The following CAGE1 variants were observed in gnomAD, a reference collection of about 807,000 sequenced individuals.
The protein encoded by CAGE1 is cancer-associated gene 1 protein.
CAGE1 carries 66 observed loss-of-function variants against 94.9 expected under a neutral mutation model. That is an observed-to-expected ratio of 0.70 (90% CI 0.57 to 0.85). CAGE1 has a LOEUF of 0.85. Among genes scored for constraint, CAGE1 ranks in the 40% least tolerant of loss-of-function variants. CAGE1 has a pLI of 0.00. For synonymous variants in CAGE1, 319 were observed against 321.0 expected, an observed-to-expected ratio of 0.99 and a Z score of 0.07; for missense variants, 865 against 950.4, an observed-to-expected ratio of 0.91 and a Z score of 1.18.
intron 13 of CAGE1, chr6:7,329,184 C>G (rs62387870): frequency 5.0e-6 from 2 of 398,842 alleles, no homozygotes; most frequent in South Asian, 9.3e-5. Context: ...CCACCCGCCT[C>G]GGCCTCCCAA....
intron 9 of CAGE1, among the ~76,000 whole-genome samples, chr6:7,364,715 G>A (rs1445906572): frequency 3.3e-5 from 5 of 151,816 alleles, no homozygotes; most frequent in Non-Finnish European, 7.4e-5. Context: ...TGATCCACCC[G>A]CCTCAGCCTC....
intron 11 of CAGE1, among the ~76,000 whole-genome samples, chr6:7,345,424 G>C (rs1330705160): frequency 3.9e-5 from 6 of 152,186 alleles, no homozygotes; most frequent in African/African-American, 1.4e-4. Context: ...CCTCACTGCA[G>C]GGGTCTGTGG....
chr6:7,341,329 T>C, intron 11 of CAGE1: 1 of 691,624 alleles, frequency 1.4e-6, no homozygotes, highest in South Asian at 1.5e-5. Context: ...AAATCCTTAC[T>C]GGTGTCCCAG....
At chr6:7,354,949 CT>C (rs1759899336) in intron 11 of CAGE1, 91 bp downstream of exon 11, 5 of 896,710 alleles carry the variant, frequency 5.6e-6, no homozygotes, top group Non-Finnish European at 8.7e-6. Context: ...CATTTTTCTT[CT>C]TTCTAGGAGT....
intron 3 of CAGE1, among the ~76,000 whole-genome samples, chr6:7,381,566 T>A (rs1207462923): frequency 6.6e-6 from 1 of 151,270 alleles, no homozygotes; most frequent in Non-Finnish European, 1.5e-5. Flanking sequence ...AGAGTCTCTG[T>A]CACCCAGGCA....
chr6:7,327,037 A>G (rs1055461440), intron 13 of CAGE1, 138 bp from the exon 14 acceptor site: 1 of 675,872 alleles, frequency 1.5e-6, no homozygotes, highest in Non-Finnish European at 2.7e-6. Context: ...AATTCCACAG[A>G]TAATACCAAC....
chr6:7,347,511 G>GGA (rs1652066140), intron 11 of CAGE1: 1 of 130,178 alleles, frequency 7.7e-6, no homozygotes, highest in Non-Finnish European at 1.7e-5. Flanking sequence ...GGTGGGGGGG[G>GGA]GGGTTGGGGG....
intron 11 of CAGE1, among the ~76,000 whole-genome samples, chr6:7,345,152 C>T (rs1045195125): frequency 4.9e-4 from 39 of 79,860 alleles, no homozygotes; most frequent in Non-Finnish European, 8.4e-4. Context: ...GAGCTAGGTC[C>T]ATATTGCTTT....
chr6:7,334,354 C>T (rs567169564), intron 11 of CAGE1, among the ~76,000 whole-genome samples: 2 of 152,258 alleles, frequency 1.3e-5, no homozygotes, highest in East Asian at 3.9e-4. Flanking sequence ...GATATTCTCC[C>T]ATTTGCTTAC....
rs930240889 is a variant in CAGE1, at chr6:7,389,322, T to G, written c.-144A>C. 12 of 456,174 alleles carry G rather than the reference T, an allele frequency of 2.6e-5. No homozygotes were observed. The East Asian group carries it at 4.9e-4, about 18-fold the overall frequency. The allele number at this position is 456,174 out of a possible 1,614,324, so 28.3% of individuals were successfully genotyped here. A position where few individuals can be genotyped will look rare whatever the true frequency, so the allele number is the denominator to read the frequency against. Reference sequence around the variant, plus strand: ...GTTTCTTGGACCCACGCTACGGACCTGGCTCTCCCTCCCTCTGCACCGGGT... The same window carrying G: ...GTTTCTTGGACCCACGCTACGGACCGGGCTCTCCCTCCCTCTGCACCGGGT... On this transcript the variant is annotated 5_prime_UTR_variant, in exon 1 of 14. Transcript: ENST00000502583.
intron 11 of CAGE1, among the ~76,000 whole-genome samples, chr6:7,344,643 C>T (rs1039588276): frequency 3.3e-5 from 5 of 152,328 alleles, no homozygotes; most frequent in African/African-American, 4.8e-5. Context: ...CCTGCAGCCC[C>T]GGTGCCGGAT....
chr6:7,369,998 G>A lies in CAGE1; in HGVS notation c.1814C>T (p.Ala605Val). 6.2e-7 allele frequency: 1 copy of A among 1,613,644 alleles called. No homozygotes were observed. Among genetic ancestry groups the A allele is most frequent in the Non-Finnish European group, 8.5e-7 (1 of 1,179,714 alleles). Residue 605 changes from alanine to valine, a missense_variant, in exon 6 of 14, where the codon GCA (alanine) becomes GTA (valine). Physicochemically the swap from Ala to Val is moderately conservative, Grantham distance 64. Transcript: ENST00000502583. The part of the protein sequence containing the change: ...CSPCEERLNP[A>V]DIKRASQLAS... ...CAGCTGAGAAGCTCTTTTTATATCT[G>A]CAGGATTCAGCCTCTCTTCACAAGG...
chr6:7,344,921 G>A (rs907155170), intron 11 of CAGE1, among the ~76,000 whole-genome samples: 1 of 152,174 alleles, frequency 6.6e-6, no homozygotes, highest in Admixed American at 6.5e-5. Flanking sequence ...GAACCTTTGC[G>A]CCTAGCTCAG....
intron 3 of CAGE1, among the ~76,000 whole-genome samples, chr6:7,383,529 G>T (rs936075975): frequency 1.3e-5 from 2 of 152,108 alleles, no homozygotes; most frequent in African/African-American, 4.8e-5. Flanking sequence ...TCTACTTTTG[G>T]ACTTTGTCTT....
In CAGE1 at chr6:7,356,034, T is replaced by C. The variant is rs1445098611; in HGVS notation, c.2289A>G (p.Leu763=). The stretch of plus-strand genomic sequence containing the variant: ...AAAAAAAAATGTCTACCTTCTTTAT[T>C]AAGTTGCCTAAATGTCTTTGATACT... ...NDKYQRHLGN[L]IKKVTSYEEI... The change falls in exon 10 of 14, where the codon TTA becomes TTG. Residue 763 remains leucine (L), a synonymous_variant. Transcript: ENST00000502583. 1.3e-6 allele frequency: 2 copies of C among 1,529,136 alleles called. No homozygotes were observed. The highest frequency in any genetic ancestry group is 1.8e-6 in the Non-Finnish European group (2 of 1,126,916). 94.7% of individuals were successfully genotyped at this position (1,529,136 alleles called of 1,614,324 possible). A position where few individuals can be genotyped will look rare whatever the true frequency, so the allele number is the denominator to read the frequency against.
chr6:7,355,084 A>T lies in CAGE1; in HGVS notation c.2326T>A (p.Cys776Ser), dbSNP rs938707436. ...KVTSYEEIIE[C>S]ADQRLAISHS... ...GATATTGCAAGCCTTTGGTCAGCAC[A>T]TTCAATGATTTCTTCATATGATGTA... is the stretch of plus-strand genomic sequence containing the variant. The change falls in exon 11 of 14, where the codon TGT (cysteine) becomes AGT (serine). Residue 776 changes from cysteine (C) to serine (S), a missense_variant. Cys to Ser is a moderately radical substitution (Grantham distance 112). Coordinates refer to ENST00000502583, the MANE Select transcript of CAGE1 (RefSeq NM_001170692.2). 1 of 1,608,772 alleles carries T rather than the reference A, an allele frequency of 6.2e-7. No individual in the cohort carries two copies. The highest frequency in any genetic ancestry group is 1.3e-5 in the African/African-American group (1 of 74,842).
chr6:7,341,740 C>T, intron 11 of CAGE1: 3 of 691,840 alleles, frequency 4.3e-6, no homozygotes, highest in Non-Finnish European at 5.5e-6. Flanking sequence ...GAAGGCCTCG[C>T]TTGGATCACA....
chr6:7,379,048 A>G, intron 3 of CAGE1, 28 bp from the exon 4 acceptor site: 1 of 1,406,000 alleles, frequency 7.1e-7, no homozygotes, highest in Non-Finnish European at 9.4e-7. Context: ...GAAGGAAATA[A>G]AAACGAGTAG....
At chr6:7,355,232 A>G in intron 10 of CAGE1, 121 bp from the exon 11 acceptor site, 2 of 612,786 alleles carry the variant, frequency 3.3e-6, no homozygotes, top group South Asian at 2.3e-5. Flanking sequence ...TAATAGGCAA[A>G]ACACTTTCCT....
Sources: allele counts gnomAD v4.1 joint callset (sites outside exome capture counted in the v4.1 genomes callset), GRCh38; gene constraint gnomAD v4.1.1; transcripts MANE v1.5; gene names NCBI Gene and HGNC (gene_info 2026-07-23, HGNC 2026-07-21).